PELI2: variants seen among roughly 807,000 people sequenced by gnomAD.
PELI2 encodes E3 ubiquitin-protein ligase pellino homolog 2.
A neutral mutation model predicts 42.3 loss-of-function variants in PELI2; 23 were observed. That is an observed-to-expected ratio of 0.54 (90% CI 0.39 to 0.77). PELI2 has a LOEUF of 0.77. Ranked by LOEUF, PELI2 falls within the 30% of genes least tolerant of loss-of-function variation. The probability of loss-of-function intolerance (pLI) is 0.00; values close to 1 mark genes in which losing one functional copy is unlikely to be tolerated. For missense variants in PELI2, 463 were observed against 553.2 expected (o/e 0.84, Z 1.64); for synonymous variants, 245 against 212.2 (o/e 1.15, Z -1.34).
chr14:56,149,661 T>G (rs1007278294), intron 1 of PELI2, among the ~76,000 whole-genome samples: 9 of 152,202 alleles, frequency 5.9e-5, no homozygotes, highest in Admixed American at 3.3e-4. Context: ...TCTGGTAGAT[T>G]AATTTTTACC....
intron 2 of PELI2, among the ~76,000 whole-genome samples, chr14:56,195,524 G>A (rs923146212): frequency 3.3e-5 from 5 of 152,182 alleles, no homozygotes; most frequent in Admixed American, 6.5e-5. Context: ...TTTAATGGCC[G>A]TAAAACAGAA....
chr14:56,264,852 A>G (rs1046691598), intron 2 of PELI2, among the ~76,000 whole-genome samples: 8 of 152,230 alleles, frequency 5.3e-5, no homozygotes, highest in Non-Finnish European at 1.2e-4. Flanking sequence ...GCAGTGGCTC[A>G]GTATTCGGTA....
chr14:56,239,009 T>C (rs1044978121), intron 2 of PELI2, among the ~76,000 whole-genome samples: 1 of 152,230 alleles, frequency 6.6e-6, no homozygotes, highest in Non-Finnish European at 1.5e-5. Context: ...TTGAAAAATG[T>C]TTATTTCATT....
At chr14:56,153,074 C>T (rs967224509) in intron 1 of PELI2, among the ~76,000 whole-genome samples, 7 of 152,090 alleles carry the variant, frequency 4.6e-5, no homozygotes, top group South Asian at 2.1e-4. Flanking sequence ...TAAGTACACT[C>T]GGGAAATATT....
intron 2 of PELI2, among the ~76,000 whole-genome samples, chr14:56,230,299 C>T (rs1887509943): frequency 6.6e-6 from 1 of 152,092 alleles, no homozygotes; most frequent in Admixed American, 6.6e-5. Flanking sequence ...ACATGATTGT[C>T]AGATTCACCA....
At chr14:56,146,479 G>T (rs760988989) in intron 1 of PELI2, among the ~76,000 whole-genome samples, 1 of 152,172 alleles carries the variant, frequency 6.6e-6, no homozygotes, top group Non-Finnish European at 1.5e-5. Context: ...GCTCATTACT[G>T]TACTGGAAGT....
Position 56,288,512 on chromosome 14 carries a change from GC to G in PELI2, c.388del (p.Gln130ArgfsTer63). 6.2e-7 allele frequency: 1 copy of G among 1,614,104 alleles called. No homozygotes were observed. The highest frequency in any genetic ancestry group is 2.2e-5 in the East Asian group (1 of 44,862). ...TISGSQNTDE[A>X]QITQSTISRF... Reference sequence around the variant, plus strand: ...TTCTGGCAGCCAGAACACGGACGAAGCCCAGATCACACAGAGCACCATATCC... The same window carrying G: ...TTCTGGCAGCCAGAACACGGACGAAGCCAGATCACACAGAGCACCATATCC... On this transcript the variant is annotated frameshift_variant, in exon 4 of 6. Transcript: ENST00000267460. LOFTEE classifies it high-confidence loss of function. This position sits in a 1 kb window ranked among gnomAD's most constrained non-coding sequence, Gnocchi z 4.6.
intron 1 of PELI2, among the ~76,000 whole-genome samples, chr14:56,158,237 A>T (rs867715573): frequency 6.6e-6 from 1 of 152,138 alleles, no homozygotes. Flanking sequence ...GGTGTTGGCC[A>T]GGCTGGTCTC....
intron 2 of PELI2, among the ~76,000 whole-genome samples, chr14:56,243,240 T>C (rs147671947): frequency 1.3e-5 from 2 of 152,166 alleles, no homozygotes; most frequent in African/African-American, 2.4e-5. Context: ...CCCCTTGATA[T>C]AAGATGCAGA....
At chr14:56,268,324 A>T (rs570404162) in intron 2 of PELI2, among the ~76,000 whole-genome samples, 1 of 152,186 alleles carries the variant, frequency 6.6e-6, no homozygotes, top group African/African-American at 2.4e-5. Context: ...TAGCTCATAT[A>T]TATGTCAATA....
intron 2 of PELI2, among the ~76,000 whole-genome samples, chr14:56,220,583 A>G (rs1887089856): frequency 6.6e-6 from 1 of 152,196 alleles, no homozygotes; most frequent in African/African-American, 2.4e-5. Context: ...ATGAGATGAA[A>G]CAATCAGTAT....
chr14:56,172,120 A>C (rs1446964634), intron 1 of PELI2, among the ~76,000 whole-genome samples: 2 of 152,204 alleles, frequency 1.3e-5, no homozygotes, highest in Non-Finnish European at 2.9e-5. Flanking sequence ...ACCTACCCCA[A>C]ACTTAGTGGC....
chr14:56,148,602 T>G (rs1236509068), intron 1 of PELI2, among the ~76,000 whole-genome samples: 1 of 152,194 alleles, frequency 6.6e-6, no homozygotes, highest in East Asian at 1.9e-4. Flanking sequence ...ACATTCAGCC[T>G]TTCAAGACTC....
intron 1 of PELI2, among the ~76,000 whole-genome samples, chr14:56,164,956 C>A (rs1349049446): frequency 1.4e-5 from 2 of 138,476 alleles, no homozygotes; most frequent in Non-Finnish European, 1.6e-5. Context: ...AAAGGTTTGT[C>A]AATTTTGTTG....
chr14:56,143,132 G>A (rs904622409), intron 1 of PELI2, among the ~76,000 whole-genome samples: 1 of 152,108 alleles, frequency 6.6e-6, no homozygotes, highest in African/African-American at 2.4e-5. Flanking sequence ...ATCTGTGACA[G>A]TTCCTCAGTC....
intron 2 of PELI2, among the ~76,000 whole-genome samples, chr14:56,196,927 A>G (rs950667322): frequency 1.3e-5 from 2 of 152,136 alleles, no homozygotes; most frequent in African/African-American, 4.8e-5. Flanking sequence ...TAAGCTTTAT[A>G]AGTTTCTTGT....
chr14:56,271,252 A>G (rs1003403509), intron 2 of PELI2, among the ~76,000 whole-genome samples: 7 of 152,194 alleles, frequency 4.6e-5, no homozygotes, highest in Non-Finnish European at 8.8e-5. Flanking sequence ...TTTGCTCATA[A>G]ATGTGCAGCT....
At chr14:56,210,923 A>T (rs1037023467) in intron 2 of PELI2, among the ~76,000 whole-genome samples, 2 of 152,092 alleles carry the variant, frequency 1.3e-5, no homozygotes, top group Non-Finnish European at 2.9e-5. Flanking sequence ...AATAACTAAA[A>T]ATAACTTTTG....
At chr14:56,221,133 G>T (rs1470817028) in intron 2 of PELI2, among the ~76,000 whole-genome samples, 1 of 152,178 alleles carries the variant, frequency 6.6e-6, no homozygotes, top group East Asian at 1.9e-4. Flanking sequence ...ACCAGAGGCT[G>T]TAATACCCAC....
Sources: gnomAD v4.1 joint callset for allele counts (sites outside exome capture counted in the v4.1 genomes callset) on GRCh38, gnomAD v4.1.1 for gene constraint, Gnocchi (gnomAD v3.1) non-coding constraint, MANE v1.5 for transcripts, NCBI Gene and HGNC (gene_info 2026-07-23, HGNC 2026-07-21) for gene names.